PARD3B: variants seen among roughly 807,000 people sequenced by gnomAD.
PARD3B encodes partitioning defective 3 homolog B.
A neutral mutation model predicts 130.2 loss-of-function variants in PARD3B; 103 were observed. The observed-to-expected ratio is 0.79, with a 90% CI of 0.67 to 0.93. The LOEUF is 0.93. Among genes scored for constraint, PARD3B ranks in the 40% least tolerant of loss-of-function variants. The pLI is 0.00. For synonymous variants in PARD3B, 583 were observed against 553.2 expected (o/e 1.05, Z -0.76); for missense variants, 1,609 against 1,499.2 (o/e 1.07, Z -1.21).
rs2193810 is a variant in PARD3B at position 205,183,704 on chromosome 2, G to A, written c.1925-2060G>A. Among the ~76,000 whole-genome samples the A allele has an allele frequency of 2.7e-5, 4 of 150,932 alleles. No individual in the cohort carries two copies. Among genetic ancestry groups the A allele is most frequent in the African/African-American group, 7.3e-5 (3 of 40,956 alleles). ...AAGTCCTTGCCTTGTGTATTTCTCA[G>A]GGTTCTGCAGAGAAACAGAACCAAG... On this transcript the variant is annotated intron_variant, in intron 13 of 22. Coordinates refer to ENST00000406610, the MANE Select transcript of PARD3B (RefSeq NM_001302769.2). The surrounding 1 kb of genome is among the most constrained non-coding windows in gnomAD (Gnocchi z 5.2).
At chr2:205,425,705 C>T (rs988058261) in intron 19 of PARD3B, among the ~76,000 whole-genome samples, 3 of 152,068 alleles carry the variant, frequency 2.0e-5, no homozygotes, top group African/African-American at 4.8e-5. Context: ...TCTGAGTCCA[C>T]GCCTGACTCT....
At position 205,589,699 on chromosome 2, in the gene PARD3B, C is replaced by G. The variant is rs1020933621; in HGVS notation, c.3261-25757C>G. Among the ~76,000 whole-genome samples the G allele has an allele frequency of 6.6e-6, 1 of 152,088 alleles. No individual in the cohort carries two copies. Among genetic ancestry groups the G allele is most frequent in the Non-Finnish European group, 1.5e-5 (1 of 68,028 alleles). ...TCTATTGGAGAATTGCTAGAGGACT[C>G]GAGTTAGGGATGATTCACTTTCTCA... On this transcript the variant is annotated intron_variant, in intron 22 of 22. Coordinates refer to ENST00000406610, the MANE Select transcript of PARD3B (RefSeq NM_001302769.2). This position sits in a 1 kb window ranked among gnomAD's most constrained non-coding sequence, Gnocchi z 4.1.
At chr2:205,159,570 G>C (rs962571371) in intron 11 of PARD3B, among the ~76,000 whole-genome samples, 1 of 152,180 alleles carries the variant, frequency 6.6e-6, no homozygotes, top group African/African-American at 2.4e-5. Flanking sequence ...GTCTTGACCA[G>C]CTGTCTCCCA....
Position 205,290,161 on chromosome 2 carries a change from C to T in PARD3B, c.2186-10369C>T, listed in dbSNP as rs560627257. On this transcript the variant is annotated intron_variant, in intron 16 of 22. Transcript: ENST00000406610. Reference sequence around the variant, plus strand: ...TTGGAAATATGAATCCAGATAAATCCAGGTGTATGTACGAACAATTTATTT... The same window carrying T: ...TTGGAAATATGAATCCAGATAAATCTAGGTGTATGTACGAACAATTTATTT... 2.0e-5 allele frequency among the ~76,000 whole-genome samples: 3 copies of T among 152,152 alleles called. No homozygotes were observed. The East Asian group carries it at 5.8e-4, about 29-fold the overall frequency.
rs1241006569 is a variant in PARD3B at position 205,405,044 on chromosome 2, C to A, written c.2741+3921C>A. On this transcript the variant is annotated intron_variant, in intron 19 of 22. Transcript: ENST00000406610. This position sits in a 1 kb window ranked among gnomAD's most constrained non-coding sequence, Gnocchi z 4.1. ...TTCATATCTCATTTTAAGTTATCTA[C>A]ATATCTAATTCCTGATCCGAAACCA... Among the ~76,000 whole-genome samples, 2 of 152,062 alleles carry A rather than the reference C, an allele frequency of 1.3e-5. No individual in the cohort carries two copies. The highest frequency in any genetic ancestry group is 2.9e-5 in the Non-Finnish European group (2 of 68,028).
At chr2:204,637,078 GT>G (rs368258966) in intron 1 of PARD3B, among the ~76,000 whole-genome samples, 3 of 151,974 alleles carry the variant, frequency 2.0e-5, no homozygotes, top group African/African-American at 7.2e-5. Flanking sequence ...GTTTTAATGT[GT>G]TTTTTTCCCT....
At chr2:204,837,790 C>T (rs1347170001) in intron 2 of PARD3B, among the ~76,000 whole-genome samples, 1 of 152,124 alleles carries the variant, frequency 6.6e-6, no homozygotes, top group Non-Finnish European at 1.5e-5. Flanking sequence ...TAATTTCCAG[C>T]CCTTGGCCAT....
intron 21 of PARD3B, among the ~76,000 whole-genome samples, chr2:205,516,438 A>G (rs1046559161): frequency 6.6e-5 from 10 of 151,868 alleles, no homozygotes; most frequent in Admixed American, 1.3e-4. Context: ...ATTCCTTTGT[A>G]ATTGTAATTG....
chr2:205,126,339 G>A (rs1329928641), intron 10 of PARD3B, among the ~76,000 whole-genome samples: 1 of 152,094 alleles, frequency 6.6e-6, no homozygotes, highest in Non-Finnish European at 1.5e-5. Flanking sequence ...AAAAATTCAT[G>A]TACATTGATT....
At chr2:205,443,814 A>G (rs964048987) in intron 20 of PARD3B, among the ~76,000 whole-genome samples, 1 of 152,112 alleles carries the variant, frequency 6.6e-6, no homozygotes, top group African/African-American at 2.4e-5. Flanking sequence ...TTAGGCTGCT[A>G]CTTATTGATT....
intron 2 of PARD3B, among the ~76,000 whole-genome samples, chr2:204,710,754 G>T (rs917719957): frequency 6.6e-5 from 10 of 152,180 alleles, no homozygotes; most frequent in Non-Finnish European, 1.2e-4. Flanking sequence ...CTGTGTTGGG[G>T]TCCTGGAATC....
intron 2 of PARD3B, among the ~76,000 whole-genome samples, chr2:204,719,362 C>T (rs957528113): frequency 8.5e-5 from 13 of 152,188 alleles, no homozygotes; most frequent in South Asian, 4.1e-4. Flanking sequence ...CCTTCAAATG[C>T]TTGTCTCTTC....
At chr2:204,703,310 G>A (rs975555770) in intron 2 of PARD3B, among the ~76,000 whole-genome samples, 1 of 152,114 alleles carries the variant, frequency 6.6e-6, no homozygotes, top group Non-Finnish European at 1.5e-5. Flanking sequence ...CCCTGCACTT[G>A]CTCATTTATG....
chr2:204,810,854 A>G (rs945149623), intron 2 of PARD3B, among the ~76,000 whole-genome samples: 22 of 152,010 alleles, frequency 1.4e-4, no homozygotes, highest in African/African-American at 4.6e-4. Flanking sequence ...CCTCCTCTTC[A>G]ATTTTTTGGA....
At chr2:205,521,267 A>T (rs1346050403) in intron 21 of PARD3B, among the ~76,000 whole-genome samples, 1 of 151,940 alleles carries the variant, frequency 6.6e-6, no homozygotes, top group African/African-American at 2.4e-5. Context: ...TAAACATTTC[A>T]TAGGTTTATT....
intron 18 of PARD3B, among the ~76,000 whole-genome samples, chr2:205,311,870 T>TTTTC (rs1347500773): frequency 6.6e-6 from 1 of 152,216 alleles, no homozygotes; most frequent in Non-Finnish European, 1.5e-5. Flanking sequence ...TTTGTTTTGC[T>TTTTC]TTTCTTTCTT....
At chr2:204,733,960 G>A (rs1300708076) in intron 2 of PARD3B, among the ~76,000 whole-genome samples, 1 of 152,084 alleles carries the variant, frequency 6.6e-6, no homozygotes, top group African/African-American at 2.4e-5. Flanking sequence ...CAGCATACCT[G>A]AACTGCAGAA....
chr2:204,875,625 C>T lies in PARD3B; in HGVS notation c.223-89527C>T, dbSNP rs118190189. On this transcript the variant is annotated intron_variant, in intron 2 of 22. Transcript: ENST00000406610. ...TGGTTGGCCTGCCTTGAAAGAGAAA[C>T]GGTGTCACAAAGACTGTATGTTGTA... Among the ~76,000 whole-genome samples, 103 of 152,248 alleles carry T rather than the reference C, an allele frequency of 6.8e-4. No homozygotes were observed. The East Asian group carries it at 9.6e-3, about 14-fold the overall frequency.
chr2:205,003,321 A>C (rs551903833), intron 3 of PARD3B, among the ~76,000 whole-genome samples: 1 of 152,164 alleles, frequency 6.6e-6, no homozygotes, highest in East Asian at 1.9e-4. Flanking sequence ...TAATTTCTCC[A>C]TAATAGGTTC....
Sources: gnomAD v4.1 joint callset for allele counts (sites outside exome capture counted in the v4.1 genomes callset) on GRCh38, gnomAD v4.1.1 for gene constraint, Gnocchi (gnomAD v3.1) non-coding constraint, MANE v1.5 for transcripts, NCBI Gene and HGNC (gene_info 2026-07-23, HGNC 2026-07-21) for gene names.